Variants in TASP1 observed in about 807,000 individuals in gnomAD.
The protein encoded by TASP1 is taspase 1, also known as threonine aspartase 1.
Under a neutral mutation model 56.6 loss-of-function variants are expected in TASP1, and 16 were observed. The observed-to-expected ratio is 0.28, with a 90% CI of 0.19 to 0.43. The LOEUF is 0.43. Ranked by LOEUF, TASP1 falls within the 20% of genes least tolerant of loss-of-function variation. The pLI is 1.00. For missense variants in TASP1, 393 were observed against 511.6 expected (o/e 0.77, Z 2.24); for synonymous variants, 179 against 184.2 (o/e 0.97, Z 0.23).
the TASP1 span, among the ~76,000 whole-genome samples, chr20:13,223,307 CTT>C: frequency 6.6e-6 from 1 of 152,028 alleles, no homozygotes; most frequent in African/African-American, 2.4e-5. Flanking sequence ...TTGCGAAAAA[CTT>C]TACCGTAAAG....
At chr20:13,629,085 G>A (rs957853733) in intron 2 of TASP1, among the ~76,000 whole-genome samples, 1 of 152,190 alleles carries the variant, frequency 6.6e-6, no homozygotes, top group Non-Finnish European at 1.5e-5. Context: ...AAGAGGGTGG[G>A]CCGGGTGTGG....
the TASP1 span, among the ~76,000 whole-genome samples, chr20:13,281,744 TGA>T: frequency 6.6e-6 from 1 of 152,038 alleles, no homozygotes; most frequent in African/African-American, 2.4e-5. Flanking sequence ...CGCCACTGAG[TGA>T]GAGAAGCACA....
the TASP1 span, among the ~76,000 whole-genome samples, chr20:13,284,080 C>T: frequency 6.6e-6 from 1 of 152,158 alleles, no homozygotes; most frequent in Non-Finnish European, 1.5e-5. Context: ...TCTCCCTGCC[C>T]ATAAAAAGAG....
chr20:13,352,442 T>G, the TASP1 span, among the ~76,000 whole-genome samples: 2 of 143,212 alleles, frequency 1.4e-5, no homozygotes, highest in African/African-American at 5.4e-5. Context: ...AGAGCAAGAC[T>G]GTCTCAAAAA....
chr20:13,586,185 A>AC (rs1568615342), intron 5 of TASP1, among the ~76,000 whole-genome samples: 1 of 151,618 alleles, frequency 6.6e-6, no homozygotes, highest in Non-Finnish European at 1.5e-5. Context: ...AAAAAAAAAA[A>AC]AAAAAAAAAA....
chr20:13,512,984 A>G lies in TASP1; in HGVS notation c.874+15449T>C, dbSNP rs190133059. On this transcript the variant is annotated intron_variant, in intron 10 of 13. Coordinates refer to ENST00000337743, the MANE Select transcript of TASP1 (RefSeq NM_017714.3). ...ATATCTCTGTTTTGGTACCAGTACC[A>G]TGCTGTTTTGGTTACTGTAGCCTTG... Among the ~76,000 whole-genome samples, 11 of 152,306 alleles carry G rather than the reference A, an allele frequency of 7.2e-5. No individual in the cohort carries two copies. In the East Asian group the frequency reaches 1.9e-3, roughly 27 times the overall value.
chr20:13,276,290 A>G, the TASP1 span, among the ~76,000 whole-genome samples: 1 of 152,210 alleles, frequency 6.6e-6, no homozygotes, highest in African/African-American at 2.4e-5. Flanking sequence ...CTGTATTCTC[A>G]GTGGCGTTGG....
intron 1 of TASP1, among the ~76,000 whole-genome samples, chr20:13,631,952 C>T (rs573456150): frequency 6.6e-6 from 1 of 151,748 alleles, no homozygotes; most frequent in South Asian, 2.1e-4. Flanking sequence ...ACTTGGGAGG[C>T]TGAGGCAGAG....
intron 12 of TASP1, among the ~76,000 whole-genome samples, chr20:13,433,998 G>A (rs1164828492): frequency 6.6e-6 from 1 of 152,136 alleles, no homozygotes; most frequent in African/African-American, 2.4e-5. Context: ...AGACACAAGT[G>A]ATACGTATTC....
chr20:13,250,196 C>G, the TASP1 span, among the ~76,000 whole-genome samples: 11 of 152,122 alleles, frequency 7.2e-5, no homozygotes, highest in Non-Finnish European at 1.3e-4. Context: ...CTTAGGATTT[C>G]TGGGATGGCC....
At chr20:13,224,026 A>G in the TASP1 span, among the ~76,000 whole-genome samples, 1 of 152,112 alleles carries the variant, frequency 6.6e-6, no homozygotes, top group African/African-American at 2.4e-5. Context: ...TGAATTCTCA[A>G]AAGGGGCTTT....
At chr20:13,336,645 T>A in the TASP1 span, among the ~76,000 whole-genome samples, 1 of 152,184 alleles carries the variant, frequency 6.6e-6, no homozygotes, top group African/African-American at 2.4e-5. Flanking sequence ...AAAAGCTTTT[T>A]TCCTGTTCTT....
At chr20:13,298,365 C>T in the TASP1 span, among the ~76,000 whole-genome samples, 1 of 152,184 alleles carries the variant, frequency 6.6e-6, no homozygotes, top group South Asian at 2.1e-4. Flanking sequence ...ATCCGCCCGC[C>T]TCAGCCTCCC....
the TASP1 span, among the ~76,000 whole-genome samples, chr20:13,323,696 C>T: frequency 6.6e-6 from 1 of 152,138 alleles, no homozygotes; most frequent in African/African-American, 2.4e-5. Flanking sequence ...TCATGGACTA[C>T]TCCCAGAGTT....
intron 11 of TASP1, among the ~76,000 whole-genome samples, chr20:13,435,702 G>T (rs1262360493): frequency 6.6e-6 from 1 of 152,124 alleles, no homozygotes; most frequent in Non-Finnish European, 1.5e-5. Context: ...GCTTCCTTGA[G>T]ATCTCACACA....
At chr20:13,173,935 GTC>G in the TASP1 span, among the ~76,000 whole-genome samples, 1 of 152,172 alleles carries the variant, frequency 6.6e-6, no homozygotes, top group Middle Eastern at 3.2e-3. Context: ...TGTTCCTGGA[GTC>G]TCTGCCTTCC....
the TASP1 span, among the ~76,000 whole-genome samples, chr20:13,260,069 C>T: frequency 1.3e-5 from 2 of 152,174 alleles, no homozygotes; most frequent in African/African-American, 4.8e-5. Flanking sequence ...GCATCAGCTG[C>T]CAGTTTTCCA....
intron 10 of TASP1, among the ~76,000 whole-genome samples, chr20:13,522,944 G>T (rs2044822154): frequency 6.6e-6 from 1 of 152,114 alleles, no homozygotes; most frequent in Non-Finnish European, 1.5e-5. Flanking sequence ...ATTTACAGGA[G>T]GAGCAAGTTA....
At chr20:13,200,653 A>G in the TASP1 span, among the ~76,000 whole-genome samples, 10 of 152,252 alleles carry the variant, frequency 6.6e-5, no homozygotes, top group African/African-American at 2.2e-4. Context: ...AATTTAAAAA[A>G]TGAAATAAAA....
Sources: gnomAD v4.1 joint callset for allele counts (sites outside exome capture counted in the v4.1 genomes callset) on GRCh38, gnomAD v4.1.1 for gene constraint, MANE v1.5 for transcripts, NCBI Gene and HGNC (gene_info 2026-07-23, HGNC 2026-07-21) for gene names.